The following EP400 variants were observed in gnomAD, a reference collection of about 807,000 sequenced individuals.
EP400 encodes E1A binding protein p400.
Under a neutral mutation model 354.1 loss-of-function variants are expected in EP400, and 105 were observed. That is an observed-to-expected ratio of 0.30 (90% confidence interval 0.25 to 0.35). EP400 has a LOEUF of 0.35. Among genes scored for constraint, EP400 ranks in the 10% least tolerant of loss-of-function variants. The pLI, the probability that EP400 is intolerant of heterozygous loss-of-function variation, is 1.00. For synonymous variants in EP400, 1,646 were observed against 1,716.9 expected (o/e 0.96, Z 1.02); for missense variants, 3,280 against 4,121.0 (o/e 0.80, Z 5.59).
chr12:132,043,522 AT>A, intron 33 of EP400, 60 bp downstream of exon 33: 1 of 1,592,374 alleles, frequency 6.3e-7, no homozygotes, highest in Non-Finnish European at 8.5e-7. Flanking sequence ...TCTATAAAAT[AT>A]TTATTGTTTA....
intron 12 of EP400, 34 bp from the exon 13 acceptor site, chr12:132,005,043 A>T (rs1328975301): frequency 6.7e-7 from 1 of 1,496,340 alleles, no homozygotes; most frequent in South Asian, 1.2e-5. Context: ...TGTTGTTATA[A>T]AGTAACAGCC....
At chr12:131,985,876 G>A (rs1010059382) in intron 5 of EP400, among the ~76,000 whole-genome samples, 3 of 152,206 alleles carry the variant, frequency 2.0e-5, no homozygotes. Flanking sequence ...TGAAAGTGCT[G>A]GTATTATAGG....
chr12:132,002,352 A>AT (rs949215040), intron 12 of EP400, among the ~76,000 whole-genome samples: 1 of 152,072 alleles, frequency 6.6e-6, no homozygotes, highest in African/African-American at 2.4e-5. Context: ...TTTACAAATT[A>AT]TTTCATTTCC....
intron 19 of EP400, among the ~76,000 whole-genome samples, chr12:132,016,946 A>G (rs749298605): frequency 5.3e-5 from 8 of 152,004 alleles, no homozygotes; most frequent in Non-Finnish European, 1.2e-4. Context: ...TGTCGTCACT[A>G]TCACCCCGGT....
At position 132,070,918 on chromosome 12, in the gene EP400, G is replaced by A. The variant is rs1896048022; in HGVS notation, c.9021+1277G>A. On this transcript the variant is annotated intron_variant, in intron 51 of 52. Transcript: ENST00000389561. This position sits in a 1 kb window ranked among gnomAD's most constrained non-coding sequence, Gnocchi z 4.1. ...TATTCTGGCCGCCTTGCTAGATTCT[G>A]GTTATTTGAATAATTTATCTTAGGA... Among the ~76,000 whole-genome samples, 5 of 152,066 alleles carry A rather than the reference G, an allele frequency of 3.3e-5. No individual in the cohort carries two copies. In the South Asian group the frequency reaches 1.0e-3, roughly 32 times the overall value.
intron 1 of EP400, among the ~76,000 whole-genome samples, chr12:131,957,412 A>G (rs1891737472): frequency 6.7e-6 from 1 of 150,020 alleles, no homozygotes; most frequent in Non-Finnish European, 1.5e-5. Context: ...TAGGAAATTG[A>G]ATTTCCTTCA....
chr12:132,058,858 C>T (rs959209390), intron 45 of EP400, among the ~76,000 whole-genome samples: 12 of 151,194 alleles, frequency 7.9e-5, no homozygotes, highest in African/African-American at 2.9e-4. Flanking sequence ...ACAATCACAG[C>T]TCACTGCAGC....
At position 132,025,731 on chromosome 12, in the gene EP400, G is replaced by A. The variant is rs79827647; in HGVS notation, c.4941G>A (p.Ala1647=). The change falls in exon 25 of 53, where the codon GCG becomes GCA. Residue 1647 remains alanine (A), a synonymous_variant. Coordinates refer to ENST00000389561, the MANE Select transcript of EP400 (RefSeq NM_015409.5). The surrounding 1 kb of genome is among the most constrained non-coding windows in gnomAD (Gnocchi z 4.1). ...GPVVMQTVSQ[A]GAVHGALGSK... ...TGGTGATGCAGACCGTGTCTCAGGC[G>A]GGCGCTGTGCACGGCGCCCTGGGAA... 1.6e-5 allele frequency: 26 copies of A among 1,612,966 alleles called. No individual in the cohort carries two copies. In the East Asian group the frequency reaches 3.1e-4, roughly 19 times the overall value.
chr12:131,983,459 A>C (rs1340967729), intron 5 of EP400, among the ~76,000 whole-genome samples: 1 of 152,240 alleles, frequency 6.6e-6, no homozygotes, highest in Non-Finnish European at 1.5e-5. Context: ...TGTCCACAGT[A>C]AACTGGTTTC....
chr12:131,975,539 C>T (rs1297607131), intron 2 of EP400, among the ~76,000 whole-genome samples: 1 of 151,856 alleles, frequency 6.6e-6, no homozygotes, highest in Admixed American at 6.6e-5. Flanking sequence ...TTTTTTCAGG[C>T]TCACTGATTT....
chr12:132,050,390 A>G lies in EP400; in HGVS notation c.7268A>G (p.Gln2423Arg), dbSNP rs1305469367. ...CAGGATGAGAATGCCACACACACCC[A>G]GCTGTACACGAGCCACTTTGACTTA... Reference protein sequence around the residue: ...YAQDENATHTQLYTSHFDLMK... With the variant: ...YAQDENATHTRLYTSHFDLMK... Residue 2423 changes from glutamine to arginine, a missense_variant, in exon 40 of 53, where the codon CAG (glutamine) becomes CGG (arginine). By Grantham distance (43) the Gln-to-Arg change is conservative (BLOSUM62 1). Transcript: ENST00000389561. The surrounding 1 kb of genome is among the most constrained non-coding windows in gnomAD (Gnocchi z 4.8). The G allele has an allele frequency of 1.9e-5, 31 of 1,614,040 alleles. No homozygotes were observed. The highest frequency in any genetic ancestry group is 2.5e-5 in the Non-Finnish European group (29 of 1,180,032).
intron 2 of EP400, among the ~76,000 whole-genome samples, chr12:131,964,634 T>A (rs559267532): frequency 6.6e-6 from 1 of 152,368 alleles, no homozygotes; most frequent in Admixed American, 6.5e-5. Context: ...TTAATTATTT[T>A]AAAAACCCCT....
chr12:131,954,986 A>G (rs1419477954), intron 1 of EP400, among the ~76,000 whole-genome samples: 1 of 152,016 alleles, frequency 6.6e-6, no homozygotes, highest in Non-Finnish European at 1.5e-5. Flanking sequence ...TTGTGCCACT[A>G]TACTGCAGCC....
In EP400 at chr12:131,972,967, A is replaced by G. The variant is rs553078625; in HGVS notation, c.1336-6727A>G. 8.0e-4 allele frequency among the ~76,000 whole-genome samples: 122 copies of G among 151,888 alleles called. 3 individuals are homozygous for G. The highest frequency in any genetic ancestry group is 7.5e-3 in the South Asian group (36 of 4,798). On this transcript the variant is annotated intron_variant, in intron 2 of 52. Transcript: ENST00000389561. ...GGCTGGTCTCGAACTCCTGACCTCA[A>G]GTGATCCACCTGCCTTGGCCTCCCA...
At chr12:131,974,221 C>T (rs549571120) in intron 2 of EP400, among the ~76,000 whole-genome samples, 13 of 152,206 alleles carry the variant, frequency 8.5e-5, no homozygotes, top group Middle Eastern at 3.4e-3. Context: ...TCAGGTAATC[C>T]GCCTACCTCA....
Position 132,050,314 on chromosome 12 carries a change from T to C in EP400, c.7201-9T>C, listed in dbSNP as rs772134878. On this transcript the variant is annotated splice_polypyrimidine_tract_variant and intron_variant, in intron 39 of 52. Coordinates refer to ENST00000389561, the MANE Select transcript of EP400 (RefSeq NM_015409.5). The surrounding 1 kb of genome is among the most constrained non-coding windows in gnomAD (Gnocchi z 4.8). Reference sequence around the variant, plus strand: ...TAATTCAGATGCACTCTCGTCAATTTCATTGCAGAGTAAAAACAACCGTCC... The same window carrying C: ...TAATTCAGATGCACTCTCGTCAATTCCATTGCAGAGTAAAAACAACCGTCC... 1 of 1,613,992 alleles carries C rather than the reference T, an allele frequency of 6.2e-7. No homozygotes were observed. The highest frequency in any genetic ancestry group is 8.5e-7 in the Non-Finnish European group (1 of 1,179,964).
intron 39 of EP400, among the ~76,000 whole-genome samples, chr12:132,049,786 G>A (rs1341225452): frequency 6.6e-6 from 1 of 152,206 alleles, no homozygotes; most frequent in African/African-American, 2.4e-5. Flanking sequence ...GGAGCACATA[G>A]CCCACAATTG....
At chr12:132,010,148 C>T (rs1434805808) in intron 15 of EP400, among the ~76,000 whole-genome samples, 12 of 144,980 alleles carry the variant, frequency 8.3e-5, no homozygotes, top group African/African-American at 1.5e-4. Flanking sequence ...ATTGCAGTGG[C>T]GTGATCTCAG....
In EP400 at chr12:132,053,547, C is replaced by T. The variant is rs1158734720; in HGVS notation, c.7678C>T (p.Pro2560Ser). 6 of 1,557,948 alleles carry T rather than the reference C, an allele frequency of 3.9e-6. No individual in the cohort carries two copies. Among genetic ancestry groups the T allele is most frequent in the South Asian group, 1.2e-5 (1 of 86,050 alleles). ...PQTQPQPVQA[P>S]AKAQPAITTG... ...GACCCAGCCACAGCCTGTGCAGGCC[C>T]CAGCGAAGGCGCAGCCCGCAATCAC... Residue 2560 changes from proline (P) to serine (S), a missense_variant, in exon 43 of 53, where the codon CCA becomes TCA. Physicochemically the swap from Pro to Ser is moderately conservative, Grantham distance 74. Coordinates refer to ENST00000389561, the MANE Select transcript of EP400 (RefSeq NM_015409.5).
Sources: gnomAD v4.1 joint callset for allele counts (sites outside exome capture counted in the v4.1 genomes callset) on GRCh38, gnomAD v4.1.1 for gene constraint, Gnocchi (gnomAD v3.1) non-coding constraint, MANE v1.5 for transcripts, NCBI Gene and HGNC (gene_info 2026-07-23, HGNC 2026-07-21) for gene names.